RFWD3: variants seen among roughly 807,000 people sequenced by gnomAD.
RFWD3 encodes the protein ring finger and WD repeat domain 3.
Under a neutral mutation model 87.7 loss-of-function variants are expected in RFWD3, and 65 were observed. The observed-to-expected ratio is 0.74, with a 90% confidence interval of 0.61 to 0.91. The LOEUF is 0.91. Among genes scored for constraint, RFWD3 ranks in the 40% least tolerant of loss-of-function variants. The pLI, the probability that RFWD3 is intolerant of heterozygous loss-of-function variation, is 0.00. For missense variants in RFWD3, 1,078 were observed against 938.5 expected, an observed-to-expected ratio of 1.15 and a Z score of -1.94; for synonymous variants, 433 against 352.8, an observed-to-expected ratio of 1.23 and a Z score of -2.55.
At chr16:74,666,199 T>A (rs1005103715) in intron 1 of RFWD3, 2 of 148,614 alleles carry the variant, frequency 1.3e-5, no homozygotes, top group Non-Finnish European at 3.0e-5. Flanking sequence ...GATAGATAGA[T>A]AGATAGATAG....
rs760667804 is a variant in RFWD3 at position 74,637,840 on chromosome 16, G to C, written c.1194+16C>G. The C allele has an allele frequency of 6.3e-7, 1 of 1,589,676 alleles. No individual in the cohort carries two copies. The highest frequency in any genetic ancestry group is 2.2e-5 in the East Asian group (1 of 44,632). On this transcript the variant is annotated intron_variant, in intron 7 of 12. Coordinates refer to ENST00000361070, the MANE Select transcript of RFWD3 (RefSeq NM_018124.4). ...CCTATTCCAAAAGTTCTTTGGATTAGAAAGGACAAACGTACCTGAACACGC... is the reference window on the plus strand; with the variant it reads ...CCTATTCCAAAAGTTCTTTGGATTACAAAGGACAAACGTACCTGAACACGC...
At chr16:74,628,218 C>T (rs1377108465) in intron 11 of RFWD3, among the ~76,000 whole-genome samples, 2 of 152,170 alleles carry the variant, frequency 1.3e-5, no homozygotes, top group Non-Finnish European at 2.9e-5. Flanking sequence ...GGCTAATTCA[C>T]TTCCAGGAGT....
chr16:74,633,971 C>T (rs1175182758), intron 8 of RFWD3, among the ~76,000 whole-genome samples: 1 of 150,252 alleles, frequency 6.7e-6, no homozygotes, highest in Non-Finnish European at 1.5e-5. Flanking sequence ...GAAGACAGAA[C>T]TAGATCTTCT....
At chr16:74,656,342 G>GA (rs1408504613) in intron 2 of RFWD3, among the ~76,000 whole-genome samples, 1 of 139,364 alleles carries the variant, frequency 7.2e-6, no homozygotes, top group Non-Finnish European at 1.6e-5. Context: ...GAAAAGAAAA[G>GA]AAATATTTTG....
At chr16:74,637,570 T>C (rs559731172) in intron 7 of RFWD3, among the ~76,000 whole-genome samples, 3 of 152,076 alleles carry the variant, frequency 2.0e-5, no homozygotes, top group African/African-American at 7.2e-5. Context: ...GAGACAGAGG[T>C]TGCAGTGAGC....
chr16:74,628,366 AC>A, intron 11 of RFWD3, 85 bp downstream of exon 11: 1 of 1,294,470 alleles, frequency 7.7e-7, no homozygotes, highest in South Asian at 1.3e-5. Flanking sequence ...TACCACAGCC[AC>A]CCAAAGGGTA....
intron 1 of RFWD3, among the ~76,000 whole-genome samples, chr16:74,665,535 A>C (rs912496376): frequency 2.0e-5 from 3 of 151,538 alleles, no homozygotes; most frequent in Non-Finnish European, 4.4e-5. Flanking sequence ...CCGAGATCGC[A>C]CCACTGCACT....
At chr16:74,640,714 T>A (rs1017246413) in intron 6 of RFWD3, among the ~76,000 whole-genome samples, 2 of 150,788 alleles carry the variant, frequency 1.3e-5, no homozygotes, top group African/African-American at 2.4e-5. Context: ...CCGAGGTGAG[T>A]GGATCACGAG....
intron 1 of RFWD3, among the ~76,000 whole-genome samples, chr16:74,663,810 GGT>G (rs1961658690): frequency 6.6e-6 from 1 of 152,194 alleles, no homozygotes; most frequent in African/African-American, 2.4e-5. Flanking sequence ...GTTGGGGTGA[GGT>G]GTGTTATTGA....
At position 74,626,388 on chromosome 16, in the gene RFWD3, G is replaced by C. The variant is rs751713966; in HGVS notation, c.2136C>G (p.Gly712=). 1 of 1,614,092 alleles carries C rather than the reference G, an allele frequency of 6.2e-7. No homozygotes were observed. Among genetic ancestry groups the C allele is most frequent in the African/African-American group, 1.3e-5 (1 of 74,932 alleles). Reference sequence around the variant, plus strand: ...CATCCCCAGTACACACCAGGATGTTGCCATCATTCTCTGGGCTTTGGAAAA... The same window carrying C: ...CATCCCCAGTACACACCAGGATGTTCCCATCATTCTCTGGGCTTTGGAAAA... ...NAIFQSPEND[G]NILVCTGDEA... Residue 712 remains glycine, a synonymous_variant, in exon 12 of 13, where the codon GGC becomes GGG. Coordinates refer to ENST00000361070, the MANE Select transcript of RFWD3 (RefSeq NM_018124.4).
At chr16:74,624,891 C>G (rs946475942) in intron 12 of RFWD3, among the ~76,000 whole-genome samples, 3 of 152,208 alleles carry the variant, frequency 2.0e-5, no homozygotes, top group Non-Finnish European at 4.4e-5. Flanking sequence ...ACTCAAGAGG[C>G]TGAAGGAGGA....
intron 6 of RFWD3, among the ~76,000 whole-genome samples, chr16:74,639,440 C>G (rs1334090257): frequency 6.6e-6 from 1 of 152,074 alleles, no homozygotes; most frequent in Non-Finnish European, 1.5e-5. Context: ...TGTCATTGAC[C>G]CAAAGGTCAT....
rs1384196265 is a variant in RFWD3, at chr16:74,623,932, T to G, written c.2321A>C (p.Glu774Ala). The G allele has an allele frequency of 1.9e-6, 3 of 1,613,898 alleles. No homozygotes were observed. Among genetic ancestry groups the G allele is most frequent in the Non-Finnish European group, 2.5e-6 (3 of 1,179,966 alleles). ...TTCAAGGTTTCGAGACCACAGTCAC[T>G]CCCACTTATAGATGTGGACCATCTT... ...TEKMVHIYKWE is the reference protein window; with the variant it reads ...TEKMVHIYKWA Residue 774 changes from glutamate to alanine, a missense_variant, in exon 13 of 13, where the codon GAG (glutamate) becomes GCG (alanine). Glu to Ala is a moderately radical substitution (Grantham distance 107). Transcript: ENST00000361070.
chr16:74,666,157 G>A (rs1354171667), intron 1 of RFWD3: 1 of 151,040 alleles, frequency 6.6e-6, no homozygotes, highest in Non-Finnish European at 1.5e-5. Context: ...GGGAAAGAAA[G>A]ACATAGATAG....
chr16:74,650,792 G>A (rs118114423), intron 3 of RFWD3, among the ~76,000 whole-genome samples: 10,702 of 151,972 alleles, frequency 0.07, 409 homozygotes, highest in East Asian at 0.11. Flanking sequence ...CGGGAGGATC[G>A]CTTGAGCCTG....
rs138005461 is a variant in RFWD3, at chr16:74,634,476, C to T, written c.1427-1803G>A. On this transcript the variant is annotated intron_variant, in intron 8 of 12. Transcript: ENST00000361070. ...CATGGCTCACAATAGCCTCGATCTC[C>T]TAGGCTCAAGCGATCCTCCCAACTC... Among the ~76,000 whole-genome samples, 32 of 152,156 alleles carry T rather than the reference C, an allele frequency of 2.1e-4. No individual in the cohort carries two copies. In the Middle Eastern group the frequency reaches 0.02, roughly 97 times the overall value.
At chr16:74,655,214 A>G (rs1960871598) in intron 2 of RFWD3, among the ~76,000 whole-genome samples, 1 of 152,098 alleles carries the variant, frequency 6.6e-6, no homozygotes, top group African/African-American at 2.4e-5. Flanking sequence ...GTTAGGGGAT[A>G]ATGCTGCTGG....
rs531843619 is a variant in RFWD3, at chr16:74,664,743, C to T, written c.-3+2043G>A. On this transcript the variant is annotated intron_variant, in intron 1 of 12. Coordinates refer to ENST00000361070, the MANE Select transcript of RFWD3 (RefSeq NM_018124.4). Reference sequence around the variant, plus strand: ...CAGACCGGGAGAGAGAGTAAGACTCCGTCTAAAAAAAGAAAAAAGAAAGAA... The same window carrying T: ...CAGACCGGGAGAGAGAGTAAGACTCTGTCTAAAAAAAGAAAAAAGAAAGAA... 30 of 116,034 alleles carry T rather than the reference C, an allele frequency of 2.6e-4. No homozygotes were observed. In the East Asian group the frequency reaches 6.1e-3, roughly 24 times the overall value. The allele number at this position is 116,034 out of a possible 1,614,324, so 7.2% of individuals were successfully genotyped here.
At chr16:74,665,967 G>A (rs940882634) in intron 1 of RFWD3, among the ~76,000 whole-genome samples, 6 of 151,992 alleles carry the variant, frequency 3.9e-5, no homozygotes, top group African/African-American at 1.4e-4. Flanking sequence ...CAAAGTGCTG[G>A]GATTACAGGC....
Sources: allele counts gnomAD v4.1 joint callset (sites outside exome capture counted in the v4.1 genomes callset), GRCh38; gene constraint gnomAD v4.1.1; transcripts MANE v1.5; gene names NCBI Gene and HGNC (gene_info 2026-07-23, HGNC 2026-07-21).